HMBOX1: variants seen among roughly 807,000 people sequenced by gnomAD.
The protein encoded by HMBOX1 is homeobox containing 1.
HMBOX1 carries 14 observed loss-of-function variants against 54.5 expected under a neutral mutation model. The ratio of observed to expected loss-of-function variants is 0.26; its 90% CI spans 0.17 to 0.40. HMBOX1 has a LOEUF of 0.40. HMBOX1 is among the 10% of genes least tolerant of loss of function. The pLI, the probability that HMBOX1 is intolerant of heterozygous loss-of-function variation, is 1.00. For missense variants in HMBOX1, 332 were observed against 514.4 expected (o/e 0.65, Z 3.43); for synonymous variants, 160 against 181.0 (o/e 0.88, Z 0.93).
At chr8:28,945,074 T>C (rs149219289) in intron 1 of HMBOX1, among the ~76,000 whole-genome samples, 116 of 152,340 alleles carry the variant, frequency 7.6e-4, no homozygotes, top group Non-Finnish European at 1.3e-3. Context: ...TTATTTTTGT[T>C]ACAAATACTA....
rs1422463025 is a variant in HMBOX1, at chr8:28,900,269, A to AT, written c.-58+9591_-58+9592insT. On this transcript the variant is annotated intron_variant, in intron 1 of 9. Transcript: ENST00000287701. The stretch of plus-strand genomic sequence containing the variant: ...GATTCCGTCTCAAAAAAAAAAAAAA[A>AT]AAATATATATATATATATATATTTT... Among the ~76,000 whole-genome samples the AT allele has an allele frequency of 4.1e-3, 281 of 69,150 alleles. 1 individual carries two copies. The highest frequency in any genetic ancestry group is 0.011 in the African/African-American group (238 of 20,928). 45.4% of individuals were successfully genotyped at this position (69,150 alleles called of 152,430 possible). A position where few individuals can be genotyped will look rare whatever the true frequency, so the allele number is the denominator to read the frequency against.
intron 6 of HMBOX1, among the ~76,000 whole-genome samples, chr8:29,037,835 T>C (rs950328315): frequency 1.3e-5 from 2 of 152,188 alleles, no homozygotes; most frequent in Admixed American, 1.3e-4. Context: ...CTGGTTTTTT[T>C]CCTTCTTCTG....
At chr8:29,026,249 T>A (rs1047434098) in intron 6 of HMBOX1, among the ~76,000 whole-genome samples, 1 of 152,184 alleles carries the variant, frequency 6.6e-6, no homozygotes, top group Admixed American at 6.6e-5. Context: ...CAAAAACATT[T>A]ATTGTCACAA....
intron 2 of HMBOX1, among the ~76,000 whole-genome samples, chr8:28,966,129 T>A (rs1826396488): frequency 6.6e-6 from 1 of 152,236 alleles, no homozygotes; most frequent in Admixed American, 6.5e-5. Flanking sequence ...TGCTTTAATC[T>A]TCTTTGCTCT....
intron 1 of HMBOX1, among the ~76,000 whole-genome samples, chr8:28,948,170 C>G (rs1488945541): frequency 1.3e-5 from 2 of 152,166 alleles, no homozygotes; most frequent in Non-Finnish European, 2.9e-5. Context: ...AATTCATTAT[C>G]CTACCATCCA....
In HMBOX1 at chr8:28,921,187, T is replaced by C. The variant is rs927460027; in HGVS notation, c.-58+30509T>C. On this transcript the variant is annotated intron_variant, in intron 1 of 9. Coordinates refer to ENST00000287701, the MANE Select transcript of HMBOX1 (RefSeq NM_001135726.3). ...CCGTCTATACTAAAAATACAAAAAT[T>C]AGCCAGGTGGTAGTGGCATATGCCT... is the stretch of plus-strand genomic sequence containing the variant. 2.0e-5 allele frequency among the ~76,000 whole-genome samples: 3 copies of C among 152,124 alleles called. 1 individual carries two copies. In the East Asian group the frequency reaches 5.8e-4, roughly 29 times the overall value.
chr8:29,004,962 C>A (rs1833217238), intron 4 of HMBOX1, among the ~76,000 whole-genome samples: 1 of 152,124 alleles, frequency 6.6e-6, no homozygotes, highest in Admixed American at 6.5e-5. Context: ...TCCTTTTATG[C>A]TTTTATTTTG....
At chr8:28,933,898 A>T (rs564945078) in intron 1 of HMBOX1, among the ~76,000 whole-genome samples, 1 of 152,328 alleles carries the variant, frequency 6.6e-6, no homozygotes, top group Non-Finnish European at 1.5e-5. Flanking sequence ...ATATTTAAGG[A>T]AGAAATAATG....
At chr8:28,997,146 A>C (rs1377796143) in intron 4 of HMBOX1, among the ~76,000 whole-genome samples, 4 of 152,146 alleles carry the variant, frequency 2.6e-5, no homozygotes, top group African/African-American at 9.7e-5. Context: ...ACAATGTTTA[A>C]CAGAAGTGGC....
intron 1 of HMBOX1, among the ~76,000 whole-genome samples, chr8:28,892,671 G>T (rs1490949997): frequency 6.6e-6 from 1 of 151,858 alleles, no homozygotes; most frequent in East Asian, 1.9e-4. Context: ...TTTTGCTGTT[G>T]GTCATTCACA....
At chr8:28,917,951 T>A (rs886563912) in intron 1 of HMBOX1, among the ~76,000 whole-genome samples, 3 of 152,220 alleles carry the variant, frequency 2.0e-5, no homozygotes, top group Non-Finnish European at 4.4e-5. Context: ...GATATTAGTT[T>A]TCCTGTCATG....
At chr8:29,032,895 G>A (rs1247656739) in intron 6 of HMBOX1, among the ~76,000 whole-genome samples, 4 of 151,996 alleles carry the variant, frequency 2.6e-5, no homozygotes, top group Non-Finnish European at 4.4e-5. Flanking sequence ...TGTTAAAATC[G>A]TAAGGCATTC....
At chr8:29,002,481 A>G (rs182560618) in intron 4 of HMBOX1, among the ~76,000 whole-genome samples, 25 of 152,332 alleles carry the variant, frequency 1.6e-4, no homozygotes, top group Admixed American at 1.5e-3. Context: ...CAGAAGGATC[A>G]TTTGGAGGTT....
chr8:28,946,231 GT>G (rs1822431696), intron 1 of HMBOX1, among the ~76,000 whole-genome samples: 1 of 152,004 alleles, frequency 6.6e-6, no homozygotes. Context: ...GGGATTACAG[GT>G]GTGAGCCACC....
intron 1 of HMBOX1, among the ~76,000 whole-genome samples, chr8:28,958,537 A>G (rs929873811): frequency 1.9e-4 from 29 of 152,304 alleles, no homozygotes; most frequent in African/African-American, 6.5e-4. Flanking sequence ...AAAGCTTCCT[A>G]TGAACAGCTT....
rs908482920 is a variant in HMBOX1 at position 29,008,740 on chromosome 8, G to A, written c.587-332G>A. ...GAGTGGAAAGCAGTGGTAATTGAAG[G>A]AGCACAAATATAATAAACTCTGACA... On this transcript the variant is annotated intron_variant, in intron 4 of 9. Transcript: ENST00000287701. 9.2e-5 allele frequency among the ~76,000 whole-genome samples: 14 copies of A among 152,244 alleles called. No individual in the cohort carries two copies. In the East Asian group the frequency reaches 2.7e-3, roughly 29 times the overall value.
At chr8:28,920,342 C>T (rs1290553172) in intron 1 of HMBOX1, among the ~76,000 whole-genome samples, 2 of 152,116 alleles carry the variant, frequency 1.3e-5, no homozygotes, top group Non-Finnish European at 2.9e-5. Flanking sequence ...TACAATTGGT[C>T]ATCCAAACTC....
chr8:28,974,829 G>A (rs1262598938), intron 3 of HMBOX1, among the ~76,000 whole-genome samples: 1 of 152,118 alleles, frequency 6.6e-6, no homozygotes, highest in African/African-American at 2.4e-5. Context: ...GTCCTGGCAG[G>A]TGTTGCTTCA....
At chr8:28,971,272 G>A (rs2132360852) in intron 3 of HMBOX1, among the ~76,000 whole-genome samples, 1 of 151,874 alleles carries the variant, frequency 6.6e-6, no homozygotes, top group Middle Eastern at 3.4e-3. Flanking sequence ...TGTATTTTTA[G>A]TAGAGATGGA....
Sources: allele counts gnomAD v4.1 joint callset (sites outside exome capture counted in the v4.1 genomes callset), GRCh38; gene constraint gnomAD v4.1.1; transcripts MANE v1.5; gene names NCBI Gene and HGNC (gene_info 2026-07-23, HGNC 2026-07-21).